Variants in ESR1 observed in about 807,000 individuals in gnomAD.
ESR1 encodes the protein estrogen receptor 1, also known as estrogen receptor.
ESR1 carries 12 observed loss-of-function variants against 52.7 expected under a neutral mutation model. The ratio of observed to expected loss-of-function variants is 0.23; its 90% CI spans 0.15 to 0.37. The LOEUF is 0.37. ESR1 is among the 10% of genes least tolerant of loss of function. The pLI is 1.00. For synonymous variants in ESR1, 305 were observed against 316.8 expected, an observed-to-expected ratio of 0.96 and a Z score of 0.39; for missense variants, 584 against 779.7, an observed-to-expected ratio of 0.75 and a Z score of 2.99.
intron 1 of ESR1, among the ~76,000 whole-genome samples, chr6:151,671,025 C>A (rs1170566470): frequency 1.3e-5 from 2 of 152,054 alleles, no homozygotes; most frequent in Non-Finnish European, 2.9e-5. Flanking sequence ...GCCTCGGCCT[C>A]CAAAAGTGCT....
At chr6:151,742,863 A>G (rs1415194) in intron 2 of ESR1, among the ~76,000 whole-genome samples, 82,190 of 152,048 alleles carry the variant, frequency 0.54, 22,766 homozygotes, top group Non-Finnish European at 0.57. Context: ...GATGTTATAT[A>G]TACAAAGAAA....
chr6:152,033,962 T>TA (rs1275845512), intron 5 of ESR1, among the ~76,000 whole-genome samples: 8 of 152,002 alleles, frequency 5.3e-5, no homozygotes, highest in African/African-American at 1.4e-4. Context: ...TATGCAGCCA[T>TA]AAAAAAGGAT....
chr6:151,678,687 G>GTTT (rs565751558), intron 1 of ESR1, among the ~76,000 whole-genome samples: 13 of 141,658 alleles, frequency 9.2e-5, no homozygotes, highest in African/African-American at 2.1e-4. Context: ...CAAACCACTG[G>GTTT]TTTTTTTTTT....
At chr6:151,928,573 A>G (rs2033113606) in intron 3 of ESR1, among the ~76,000 whole-genome samples, 1 of 151,824 alleles carries the variant, frequency 6.6e-6, no homozygotes, top group Non-Finnish European at 1.5e-5. Flanking sequence ...GGAACTGTCT[A>G]TATTATTCTT....
At chr6:151,886,560 A>C (rs142470127) in intron 3 of ESR1, among the ~76,000 whole-genome samples, 1 of 152,330 alleles carries the variant, frequency 6.6e-6, no homozygotes, top group East Asian at 1.9e-4. Flanking sequence ...TAGACAGGGA[A>C]ATATACATGT....
chr6:151,750,928 C>T (rs1318494499), intron 2 of ESR1, among the ~76,000 whole-genome samples: 1 of 152,108 alleles, frequency 6.6e-6, no homozygotes, highest in Non-Finnish European at 1.5e-5. Context: ...AAAATTAACT[C>T]AAATGGAGGA....
At chr6:151,710,100 A>G (rs116946517) in intron 2 of ESR1, among the ~76,000 whole-genome samples, 6 of 152,158 alleles carry the variant, frequency 3.9e-5, no homozygotes, top group Non-Finnish European at 5.9e-5. Flanking sequence ...ATTAAATTAT[A>G]TTAGCATCAA....
At chr6:151,772,281 T>A (rs1785587459) in intron 2 of ESR1, among the ~76,000 whole-genome samples, 1 of 152,192 alleles carries the variant, frequency 6.6e-6, no homozygotes, top group African/African-American at 2.4e-5. Flanking sequence ...CCAAATGTCA[T>A]GCAAGAGTGG....
chr6:151,921,388 T>G (rs1011196862), intron 3 of ESR1, among the ~76,000 whole-genome samples: 1 of 152,224 alleles, frequency 6.6e-6, no homozygotes, highest in African/African-American at 2.4e-5. Flanking sequence ...AGTGCTGCAG[T>G]GAACATATGC....
intron 1 of ESR1, among the ~76,000 whole-genome samples, chr6:151,669,192 G>GAGA (rs1562319604): frequency 1.2e-5 from 1 of 80,482 alleles, no homozygotes; most frequent in Non-Finnish European, 3.0e-5. Context: ...GAGAGAGATG[G>GAGA]GAATCCAGGG....
intron 4 of ESR1, chr6:151,983,630 T>C (rs1304263883): frequency 6.6e-6 from 1 of 152,174 alleles, no homozygotes; most frequent in Non-Finnish European, 1.5e-5. Context: ...AATCTCATCT[T>C]ATTGCCTATG....
At chr6:152,001,161 A>G (rs2041913159) in intron 4 of ESR1, among the ~76,000 whole-genome samples, 1 of 151,944 alleles carries the variant, frequency 6.6e-6, no homozygotes, top group Non-Finnish European at 1.5e-5. Flanking sequence ...GTCTTAGTCT[A>G]TTTTCTGTTC....
chr6:151,724,385 T>C (rs1255692354), intron 2 of ESR1, among the ~76,000 whole-genome samples: 1 of 152,040 alleles, frequency 6.6e-6, no homozygotes, highest in Non-Finnish European at 1.5e-5. Flanking sequence ...ACGAAGGAGT[T>C]TGGAGGGGTG....
chr6:151,677,732 G>A (rs1433391983), intron 1 of ESR1, among the ~76,000 whole-genome samples: 1 of 152,172 alleles, frequency 6.6e-6, no homozygotes, highest in Non-Finnish European at 1.5e-5. Flanking sequence ...GGCTTGAAAT[G>A]AACACGGCTT....
In ESR1 at chr6:151,808,139, C is replaced by G. The variant is rs746640340; in HGVS notation, c.227C>G (p.Thr76Ser). The G allele has an allele frequency of 5.2e-5, 84 of 1,605,238 alleles. No homozygotes were observed. Among genetic ancestry groups the G allele is most frequent in the Non-Finnish European group, 6.2e-5 (73 of 1,176,506 alleles). ...GCCAACGCGCAGGTCTACGGTCAGA[C>G]CGGCCTCCCCTACGGCCCCGGGTCT... ...AAANAQVYGQTGLPYGPGSEA... is the reference protein window; with the variant it reads ...AAANAQVYGQSGLPYGPGSEA... The change falls in exon 1 of 8, where the codon ACC becomes AGC. Residue 76 changes from threonine (T) to serine (S), a missense_variant. Coordinates refer to ENST00000206249, the MANE Select transcript of ESR1 (RefSeq NM_000125.4).
At chr6:151,719,331 G>A (rs895242231) in intron 2 of ESR1, among the ~76,000 whole-genome samples, 3 of 152,174 alleles carry the variant, frequency 2.0e-5, no homozygotes, top group African/African-American at 7.2e-5. Flanking sequence ...AAGGCAGATT[G>A]GCTGTGTGGG....
At chr6:151,975,401 ATTAG>A (rs910574429) in intron 4 of ESR1, among the ~76,000 whole-genome samples, 12 of 151,364 alleles carry the variant, frequency 7.9e-5, no homozygotes, top group African/African-American at 2.4e-4. Context: ...AATTTGATGT[ATTAG>A]TTAGGGTTCT....
rs1394161222 is a variant in ESR1 at position 152,011,916 on chromosome 6, C to CA, written c.1235+126dup. Reference sequence around the variant, plus strand: ...AACTTTATTAGGTATGTTTACTTAACAAAAGAGTGCATTGGGGGTGATGAA... The same window carrying CA: ...AACTTTATTAGGTATGTTTACTTAACAAAAAGAGTGCATTGGGGGTGATGAA... On this transcript the variant is annotated intron_variant, in intron 5 of 7. Transcript: ENST00000206249. 4.8e-6 allele frequency: 5 copies of CA among 1,049,888 alleles called. No homozygotes were observed. In the African/African-American group the frequency reaches 6.4e-5, roughly 13 times the overall value. The allele number at this position is 1,049,888 out of a possible 1,614,324, so 65.0% of individuals were successfully genotyped here. A position where few individuals can be genotyped will look rare whatever the true frequency, so the allele number is the denominator to read the frequency against.
intron 6 of ESR1, among the ~76,000 whole-genome samples, chr6:152,066,491 T>C (rs1458481699): frequency 6.6e-6 from 1 of 152,226 alleles, no homozygotes. Flanking sequence ...CATTGTCAGG[T>C]ATGCCCATTG....
Sources: gnomAD v4.1 joint callset for allele counts (sites outside exome capture counted in the v4.1 genomes callset) on GRCh38, gnomAD v4.1.1 for gene constraint, MANE v1.5 for transcripts, NCBI Gene and HGNC (gene_info 2026-07-23, HGNC 2026-07-21) for gene names.